TMEM272: variants seen among roughly 807,000 people sequenced by gnomAD.
TMEM272 encodes the protein transmembrane protein 272, also known as long intergenic non-protein coding RNA 282.
A neutral mutation model predicts 3.7 loss-of-function variants in TMEM272; 8 were observed. The observed-to-expected ratio is 2.17, with a 90% CI of 1.27 to 3.91. TMEM272 has a LOEUF of 3.91. Among genes scored for constraint, TMEM272 ranks in the 30% most tolerant of loss-of-function variants. The probability of loss-of-function intolerance (pLI) is 0.00; values close to 1 mark genes in which losing one functional copy is unlikely to be tolerated. For missense variants in TMEM272, 166 were observed against 91.5 expected (o/e 1.81, Z -3.32); for synonymous variants, 63 against 39.8 (o/e 1.58, Z -2.20).
upstream of TMEM272, among the ~76,000 whole-genome samples, chr13:51,846,427 C>T (rs564731877): frequency 6.6e-6 from 1 of 152,336 alleles, no homozygotes; most frequent in African/African-American, 2.4e-5. Context: ...AACAAACCTA[C>T]TGCACTGCCA....
chr13:51,878,170 C>T, the TMEM272 span, among the ~76,000 whole-genome samples: 1 of 152,128 alleles, frequency 6.6e-6, no homozygotes, highest in Non-Finnish European at 1.5e-5. Flanking sequence ...GTGGCTCACA[C>T]CTGTAATCCC....
chr13:51,816,197 G>C lies in TMEM272; in HGVS notation c.*554C>G, dbSNP rs1371636178. The C allele has an allele frequency of 6.4e-6, 1 of 155,706 alleles. No individual in the cohort carries two copies. Among genetic ancestry groups the C allele is most frequent in the Non-Finnish European group, 1.4e-5 (1 of 70,148 alleles). The allele number at this position is 155,706 out of a possible 1,614,324, so 9.6% of individuals were successfully genotyped here. The stretch of plus-strand genomic sequence containing the variant: ...ATCACGTCAAACCTATCTGATATAG[G>C]GCTGGAAGAGACTGCTCCTTCACTT... On this transcript the variant is annotated 3_prime_UTR_variant, in exon 5 of 5. Coordinates refer to ENST00000629372, the MANE Select transcript of TMEM272 (RefSeq NM_001351003.2).
the TMEM272 span, among the ~76,000 whole-genome samples, chr13:51,860,507 C>T: frequency 2.0e-5 from 3 of 151,864 alleles, no homozygotes; most frequent in African/African-American, 7.2e-5. Context: ...GGTCTGGTGG[C>T]GCACGCCTGT....
At chr13:51,883,544 T>G in the TMEM272 span, among the ~76,000 whole-genome samples, 1 of 152,118 alleles carries the variant, frequency 6.6e-6, no homozygotes, top group African/African-American at 2.4e-5. Context: ...GGGGAGTGCA[T>G]GCTGATTGGT....
chr13:51,927,008 T>C, the TMEM272 span, among the ~76,000 whole-genome samples: 1 of 152,160 alleles, frequency 6.6e-6, no homozygotes, highest in African/African-American at 2.4e-5. Flanking sequence ...AAGCATCTAG[T>C]GCTTCATACT....
intron 1 of TMEM272, among the ~76,000 whole-genome samples, chr13:51,839,908 A>G (rs1341729267): frequency 6.6e-6 from 1 of 152,194 alleles, no homozygotes; most frequent in Non-Finnish European, 1.5e-5. Flanking sequence ...CTTCTAGGAC[A>G]TGTCATGCTC....
At chr13:51,910,261 C>T in the TMEM272 span, 1,638 of 1,408,338 alleles carry the variant, frequency 1.2e-3, 4 homozygotes, top group Non-Finnish European at 1.5e-3. Context: ...GCTTCTGTTG[C>T]CTCCTTCTCA....
At chr13:51,849,722 C>T (rs757063438), upstream of TMEM272, among the ~76,000 whole-genome samples, 5 of 152,326 alleles carry the variant, frequency 3.3e-5, no homozygotes, top group East Asian at 1.9e-4. Context: ...TCTGAAGTGG[C>T]GCCTTGGAGT....
rs1023847121 is a variant in TMEM272, at chr13:51,816,619, G to A, written c.*132C>T. The A allele has an allele frequency of 3.2e-5, 19 of 589,372 alleles. No homozygotes were observed. The highest frequency in any genetic ancestry group is 5.1e-5 in the Non-Finnish European group (17 of 330,166). The allele number at this position is 589,372 out of a possible 1,614,324, so 36.5% of individuals were successfully genotyped here. On this transcript the variant is annotated 3_prime_UTR_variant, in exon 5 of 5. Coordinates refer to ENST00000629372, the MANE Select transcript of TMEM272 (RefSeq NM_001351003.2). The stretch of plus-strand genomic sequence containing the variant: ...GGGTGGCTTTTTAAATGCCTTCAGG[G>A]AAGGTTTTATTACCTTTATGCCCTT...
Position 51,822,054 on chromosome 13 carries a change from C to T in TMEM272, c.201+1G>A, listed in dbSNP as rs77506300. 3.8e-3 allele frequency: 2,698 copies of T among 702,460 alleles called. 57 individuals are homozygous for T. The African/African-American group carries it at 0.042, about 11-fold the overall frequency. The allele number at this position is 702,460 out of a possible 1,614,324, so 43.5% of individuals were successfully genotyped here. ...ACAAACAGCAGATAAAGATACTTTA[C>T]CTTTAAGGTACCGACGATGCCACCC... On this transcript the variant is annotated splice_donor_variant, in intron 4 of 4. Coordinates refer to ENST00000629372, the MANE Select transcript of TMEM272 (RefSeq NM_001351003.2). LOFTEE classifies it high-confidence loss of function.
chr13:51,842,942 A>G (rs1362322872), intron 1 of TMEM272, among the ~76,000 whole-genome samples: 1 of 152,224 alleles, frequency 6.6e-6, no homozygotes, highest in African/African-American at 2.4e-5. Context: ...TTATGTAATT[A>G]AAAAGCATAA....
At chr13:51,873,363 C>A in the TMEM272 span, among the ~76,000 whole-genome samples, 1 of 152,096 alleles carries the variant, frequency 6.6e-6, no homozygotes, top group African/African-American at 2.4e-5. Context: ...AGTGATCCAC[C>A]CAAGTTACAA....
At chr13:51,919,053 C>T in the TMEM272 span, among the ~76,000 whole-genome samples, 2 of 152,062 alleles carry the variant, frequency 1.3e-5, no homozygotes, top group East Asian at 1.9e-4. Flanking sequence ...TTCTCTTTCT[C>T]TACCTGCTTT....
chr13:51,888,639 CTTTTTTTTTTTTTTT>C, the TMEM272 span, among the ~76,000 whole-genome samples: 2 of 76,796 alleles, frequency 2.6e-5, no homozygotes, highest in East Asian at 8.5e-4. Flanking sequence ...TTTTCTTTTT[CTTTTTTTTTTTTTTT>C]TTTTTTTTTG....
At chr13:51,917,132 G>C in the TMEM272 span, among the ~76,000 whole-genome samples, 1 of 152,170 alleles carries the variant, frequency 6.6e-6, no homozygotes. Flanking sequence ...CCACCTCCTA[G>C]TCCCACACTG....
chr13:51,889,694 T>C, the TMEM272 span, among the ~76,000 whole-genome samples: 1 of 152,144 alleles, frequency 6.6e-6, no homozygotes, highest in African/African-American at 2.4e-5. Context: ...CAGGCTAAAG[T>C]GCAATGGTGC....
chr13:51,932,160 T>A, the TMEM272 span, among the ~76,000 whole-genome samples: 1 of 152,082 alleles, frequency 6.6e-6, no homozygotes, highest in South Asian at 2.1e-4. Flanking sequence ...GATTACACTG[T>A]CAACTCCCTT....
intron 2 of TMEM272, among the ~76,000 whole-genome samples, chr13:51,835,036 G>C (rs1956203270): frequency 6.6e-6 from 1 of 152,016 alleles, no homozygotes; most frequent in African/African-American, 2.4e-5. Context: ...CCCCCAAGTG[G>C]CTTGCTGGGA....
the TMEM272 span, among the ~76,000 whole-genome samples, chr13:51,883,224 T>C: frequency 6.6e-6 from 1 of 152,206 alleles, no homozygotes; most frequent in African/African-American, 2.4e-5. Context: ...TCTTCACACC[T>C]GCAGCTTGGC....
Sources: gnomAD v4.1 joint callset for allele counts (sites outside exome capture counted in the v4.1 genomes callset) on GRCh38, gnomAD v4.1.1 for gene constraint, MANE v1.5 for transcripts, NCBI Gene and HGNC (gene_info 2026-07-23, HGNC 2026-07-21) for gene names.